AEN: variants seen among roughly 807,000 people sequenced by gnomAD.
AEN encodes apoptosis-enhancing nuclease.
A neutral mutation model predicts 17.7 loss-of-function variants in AEN; 21 were observed. The observed-to-expected ratio is 1.19, with a 90% CI of 0.84 to 1.71. AEN has a LOEUF of 1.71. AEN is among the 40% of genes most tolerant of loss of function. The pLI, the probability that AEN is intolerant of heterozygous loss-of-function variation, is 0.00. For synonymous variants in AEN, 190 were observed against 173.0 expected (o/e 1.10, Z -0.77); for missense variants, 462 against 435.9 (o/e 1.06, Z -0.53).
At chr15:88,618,196 C>T (rs1198981479), upstream of AEN, among the ~76,000 whole-genome samples, 1 of 152,228 alleles carries the variant, frequency 6.6e-6, no homozygotes, top group African/African-American at 2.4e-5. Context: ...TAAAATCTCT[C>T]TTTATCAAAT....
At chr15:88,606,979 C>T in the AEN span, among the ~76,000 whole-genome samples, 1 of 151,612 alleles carries the variant, frequency 6.6e-6, no homozygotes, top group Non-Finnish European at 1.5e-5. Flanking sequence ...AAAAAAATTG[C>T]TTTTCCTGGA....
At chr15:88,607,025 G>A in the AEN span, among the ~76,000 whole-genome samples, 4 of 152,134 alleles carry the variant, frequency 2.6e-5, no homozygotes, top group African/African-American at 9.7e-5. Context: ...GTCCAGGGGT[G>A]TCTACTGTAG....
At chr15:88,626,872 C>A in intron 2 of AEN, 123 bp downstream of exon 2, 1 of 1,063,880 alleles carries the variant, frequency 9.4e-7, no homozygotes, top group African/African-American at 1.6e-5. Context: ...CTAACTGCTC[C>A]AAACAGTAGG....
chr15:88,626,033 G>A (rs953037589), intron 1 of AEN, 113 bp from the exon 2 acceptor site: 36 of 684,310 alleles, frequency 5.3e-5, no homozygotes, highest in Non-Finnish European at 8.0e-5. Context: ...ACGAGCTACG[G>A]TGCAGGGCTC....
the AEN span, among the ~76,000 whole-genome samples, chr15:88,613,433 T>C: frequency 6.6e-6 from 1 of 152,164 alleles, no homozygotes; most frequent in Non-Finnish European, 1.5e-5. Flanking sequence ...TATCTGTCCT[T>C]CACAGCGGGA....
upstream of AEN, among the ~76,000 whole-genome samples, chr15:88,618,125 G>T (rs943488383): frequency 2.3e-4 from 35 of 152,088 alleles, no homozygotes; most frequent in African/African-American, 8.5e-4. Flanking sequence ...TATGGCCTGA[G>T]TGTTCTCCCT....
chr15:88,626,058 C>G (rs1283302352), intron 1 of AEN, 88 bp from the exon 2 acceptor site: 4 of 798,764 alleles, frequency 5.0e-6, no homozygotes, highest in East Asian at 2.9e-5. Context: ...GCATCCCCAC[C>G]GTGGTGCACT....
At chr15:88,612,205 T>C in the AEN span, among the ~76,000 whole-genome samples, 7 of 152,128 alleles carry the variant, frequency 4.6e-5, no homozygotes, top group East Asian at 1.9e-4. Flanking sequence ...CAACAATCAC[T>C]TTGGGGCACC....
the AEN span, chr15:88,608,042 C>T: frequency 2.1e-6 from 1 of 482,400 alleles, no homozygotes; most frequent in Non-Finnish European, 4.4e-6. Flanking sequence ...AATTATTATT[C>T]ACTTTCTGCT....
chr15:88,629,525 T>C (rs1244255691), intron 3 of AEN, 99 bp downstream of exon 3: 1 of 1,398,752 alleles, frequency 7.1e-7, no homozygotes, highest in Non-Finnish European at 9.8e-7. Flanking sequence ...CCAGCCTCCT[T>C]GTCATTCTCT....
At chr15:88,622,404 C>T (rs2057799249) in intron 1 of AEN, among the ~76,000 whole-genome samples, 2 of 152,170 alleles carry the variant, frequency 1.3e-5, no homozygotes, top group African/African-American at 4.8e-5. Flanking sequence ...CAGGAGGAGC[C>T]GCGGACAAAA....
chr15:88,610,618 C>T, the AEN span, among the ~76,000 whole-genome samples: 1 of 152,136 alleles, frequency 6.6e-6, no homozygotes, highest in East Asian at 1.9e-4. Flanking sequence ...CCATGACTCC[C>T]CCCACTCCTC....
upstream of AEN, among the ~76,000 whole-genome samples, chr15:88,616,367 C>T (rs1465442312): frequency 6.6e-6 from 1 of 152,174 alleles, no homozygotes; most frequent in Non-Finnish European, 1.5e-5. Flanking sequence ...GTTGGGATTA[C>T]AGGCGTGAGC....
chr15:88,627,740 C>G (rs2141373569), intron 2 of AEN: 1 of 152,290 alleles, frequency 6.6e-6, no homozygotes, highest in South Asian at 2.1e-4. Context: ...GCCCTCTTGG[C>G]TTAGTTCAGT....
rs61734365 is a variant in AEN, at chr15:88,626,419, A to G, written c.210A>G (p.Ala70=). 139 of 1,613,000 alleles carry G rather than the reference A, an allele frequency of 8.6e-5. No homozygotes were observed. The African/African-American group carries it at 1.8e-3, about 21-fold the overall frequency. ...GSSPLPTPFG[A]ATATEAASSG... ...CCCCACTGCCCACCCCTTTCGGGGCAGCGACAGCAACTGAAGCTGCCAGCA... is the reference window on the plus strand; with the variant it reads ...CCCCACTGCCCACCCCTTTCGGGGCGGCGACAGCAACTGAAGCTGCCAGCA... Residue 70 remains alanine, a synonymous_variant, in exon 2 of 4, where the codon GCA becomes GCG. Coordinates refer to ENST00000332810, the MANE Select transcript of AEN (RefSeq NM_022767.4).
the AEN span, among the ~76,000 whole-genome samples, chr15:88,614,554 G>C: frequency 6.6e-6 from 1 of 152,038 alleles, no homozygotes; most frequent in Non-Finnish European, 1.5e-5. Context: ...AAAAACCTCG[G>C]CGATACAAGG....
At chr15:88,605,907 CG>C in the AEN span, among the ~76,000 whole-genome samples, 1 of 152,252 alleles carries the variant, frequency 6.6e-6, no homozygotes, top group Non-Finnish European at 1.5e-5. The surrounding 1 kb of genome is among the most constrained non-coding windows in gnomAD (Gnocchi z 7.6). Context: ...CTTGCGCTCG[CG>C]GCCCCTCAGA....
intron 2 of AEN, chr15:88,628,020 C>G (rs544384359): frequency 6.6e-6 from 1 of 151,988 alleles, no homozygotes; most frequent in South Asian, 2.1e-4. Flanking sequence ...TTGAAATGAT[C>G]GGAGGTTATT....
At chr15:88,619,707 AC>A (rs2057766136), upstream of AEN, among the ~76,000 whole-genome samples, 2 of 151,784 alleles carry the variant, frequency 1.3e-5, no homozygotes, top group East Asian at 3.9e-4. Flanking sequence ...AACAAACAAA[AC>A]AAAAAAAACT....
Sources: gnomAD v4.1 joint callset for allele counts (sites outside exome capture counted in the v4.1 genomes callset) on GRCh38, gnomAD v4.1.1 for gene constraint, Gnocchi (gnomAD v3.1) non-coding constraint, MANE v1.5 for transcripts, NCBI Gene and HGNC (gene_info 2026-07-23, HGNC 2026-07-21) for gene names.